BEGAIN: variants seen among roughly 807,000 people sequenced by gnomAD.
BEGAIN encodes brain enriched guanylate kinase associated.
Under a neutral mutation model 35.8 loss-of-function variants are expected in BEGAIN, and 19 were observed. That is an observed-to-expected ratio of 0.53 (90% CI 0.37 to 0.78). The LOEUF (loss-of-function observed/expected upper bound fraction) is 0.78, where lower values mean the gene tolerates loss of function less well. Among genes scored for constraint, BEGAIN ranks in the 30% least tolerant of loss-of-function variants. BEGAIN has a pLI of 0.00. For missense variants in BEGAIN, 795 were observed against 853.6 expected (o/e 0.93, Z 0.85); for synonymous variants, 462 against 388.6 (o/e 1.19, Z -2.22).
intron 2 of BEGAIN, among the ~76,000 whole-genome samples, chr14:100,552,393 G>A (rs1273026757): frequency 6.6e-6 from 1 of 152,196 alleles, no homozygotes; most frequent in Non-Finnish European, 1.5e-5. Context: ...AGCCTGTGGC[G>A]TGGAGGGCAT....
chr14:100,567,355 G>A lies in BEGAIN; in HGVS notation c.71+556C>T, dbSNP rs957066556. Among the ~76,000 whole-genome samples, 7 of 152,188 alleles carry A rather than the reference G, an allele frequency of 4.6e-5. No individual in the cohort carries two copies. The highest frequency in any genetic ancestry group is 2.4e-5 in the African/African-American group (1 of 41,450). ...GGGGACACTCCCCAGAAGCTGTCGC[G>A]GGATTCCCCCAAAATGGCTCCAAGA... On this transcript the variant is annotated intron_variant, in intron 2 of 6. Coordinates refer to ENST00000554140, the MANE Select transcript of BEGAIN (RefSeq NM_001385089.1). The surrounding 1 kb of genome is among the most constrained non-coding windows in gnomAD (Gnocchi z 5.1).
chr14:100,538,070 G>T lies in BEGAIN; in HGVS notation c.1738C>A (p.Arg580Ser). ...GGAAAGGCCTGCTGGGGGCTGAGGC[G>T]GGCGGCAGGATGCATTTCCGGGGAG... ...EASPEMHPAA[R>S]LSPQQAFPRT... Residue 580 changes from arginine to serine, a missense_variant, in exon 7 of 7, where the codon CGC (arginine) becomes AGC (serine). Arg to Ser is a moderately radical substitution (Grantham distance 110). Around this residue, in one of 3 missense-constraint regions of BEGAIN, gnomAD observed 664 missense variants for 647.7 expected, o/e 1.03. Transcript: ENST00000554140. 6.3e-7 allele frequency: 1 copy of T among 1,595,948 alleles called. No homozygotes were observed. The highest frequency in any genetic ancestry group is 1.7e-5 in the Admixed American group (1 of 57,354).
chr14:100,578,856 C>CTTTTT (rs529546763), intron 1 of BEGAIN, among the ~76,000 whole-genome samples: 7 of 127,012 alleles, frequency 5.5e-5, no homozygotes, highest in Admixed American at 8.5e-5. Flanking sequence ...GCCTCTGGTA[C>CTTTTT]TTTTTTTTTT....
intron 1 of BEGAIN, among the ~76,000 whole-genome samples, chr14:100,578,481 T>C (rs1032914530): frequency 1.3e-5 from 2 of 152,252 alleles, no homozygotes; most frequent in Non-Finnish European, 2.9e-5. Context: ...CTCCCATGCA[T>C]CCTTATTACA....
At chr14:100,574,715 C>G (rs2035166637) in intron 1 of BEGAIN, among the ~76,000 whole-genome samples, 1 of 152,160 alleles carries the variant, frequency 6.6e-6, no homozygotes, top group Non-Finnish European at 1.5e-5. Context: ...GTCCCCCATT[C>G]AGGAAGGGGA....
chr14:100,543,292 GTGTTTTTTTTTT>G (rs1038251477), intron 5 of BEGAIN, among the ~76,000 whole-genome samples: 156 of 151,166 alleles, frequency 1.0e-3, no homozygotes, highest in African/African-American at 2.9e-3. Context: ...GTGGCCAGAG[GTGTTTTTTTTTT>G]TGTTTTTTTT....
rs1449123617 is a variant in BEGAIN, at chr14:100,558,550, C to A, written c.71+9361G>T. Among the ~76,000 whole-genome samples the A allele has an allele frequency of 1.3e-5, 2 of 152,196 alleles. No homozygotes were observed. The highest frequency in any genetic ancestry group is 2.4e-5 in the African/African-American group (1 of 41,444). ...CTCTCTGCTGAGGCCCCCACATTGG[C>A]TGCTCCCCAACTCCATTGCCTCACC... On this transcript the variant is annotated intron_variant, in intron 2 of 6. Transcript: ENST00000554140. The surrounding 1 kb of genome is among the most constrained non-coding windows in gnomAD (Gnocchi z 4.6).
At chr14:100,566,558 A>T (rs937850412) in intron 2 of BEGAIN, among the ~76,000 whole-genome samples, 1 of 152,128 alleles carries the variant, frequency 6.6e-6, no homozygotes, top group Admixed American at 6.5e-5. Context: ...ATGACAGCCA[A>T]TGTGGGGCAC....
rs143370512 is a variant in BEGAIN, at chr14:100,586,811, C to G, written c.42+438G>C. Among the ~76,000 whole-genome samples the G allele has an allele frequency of 0.015, 2,293 of 152,272 alleles. 23 individuals are homozygous for G. Among genetic ancestry groups the G allele is most frequent in the Middle Eastern group, 0.027 (8 of 292 alleles). ...TCCTTCCGGCTCCCGGGCCTTTCTC[C>G]GGCCTCCCAAGCAGGGGCTGGCCCT... On this transcript the variant is annotated intron_variant, in intron 1 of 6. Coordinates refer to ENST00000554140, the MANE Select transcript of BEGAIN (RefSeq NM_001385089.1). This position sits in a 1 kb window ranked among gnomAD's most constrained non-coding sequence, Gnocchi z 4.9.
intron 2 of BEGAIN, among the ~76,000 whole-genome samples, chr14:100,562,720 G>A (rs2034370138): frequency 2.0e-5 from 3 of 152,088 alleles, no homozygotes; most frequent in African/African-American, 4.8e-5. Flanking sequence ...GCCTTGACCC[G>A]GTGGCACCCG....
intron 6 of BEGAIN, 26 bp from the exon 7 acceptor site, chr14:100,539,341 G>A (rs767214024): frequency 7.8e-6 from 12 of 1,529,186 alleles, no homozygotes; most frequent in African/African-American, 6.9e-5. Context: ...GGAGGGGGAC[G>A]GCGGGTACAG....
chr14:100,544,882 G>A, intron 4 of BEGAIN, 118 bp downstream of exon 4: 1 of 1,001,158 alleles, frequency 1.0e-6, no homozygotes, highest in Non-Finnish European at 1.6e-6. Context: ...ATGGAGAAAG[G>A]GGTGGGACCA....
intron 2 of BEGAIN, among the ~76,000 whole-genome samples, chr14:100,561,103 C>T (rs939730108): frequency 1.3e-5 from 2 of 152,180 alleles, no homozygotes; most frequent in Non-Finnish European, 2.9e-5. Flanking sequence ...CACGTGGCAT[C>T]GCCTCCTCTG....
chr14:100,553,036 C>T (rs1206645601), intron 2 of BEGAIN, among the ~76,000 whole-genome samples: 1 of 152,162 alleles, frequency 6.6e-6, no homozygotes, highest in Non-Finnish European at 1.5e-5. Flanking sequence ...GGAGACTGGG[C>T]AGGTTTTGTC....
intron 3 of BEGAIN, 59 bp downstream of exon 3, chr14:100,546,442 C>CCCGGCCCTCGCCCCGG (rs2032453136): frequency 1.1e-4 from 8 of 69,956 alleles, no homozygotes; most frequent in Admixed American, 2.2e-4. Context: ...CCTCGCCCCG[C>CCCGGCCCTCGCCCCGG]CCCGGCCCTC....
intron 1 of BEGAIN, among the ~76,000 whole-genome samples, chr14:100,582,109 G>T (rs1291409679): frequency 6.6e-6 from 1 of 152,154 alleles, no homozygotes; most frequent in Admixed American, 6.5e-5. Flanking sequence ...CCTTCCCCTC[G>T]TCCCAGCACA....
At chr14:100,575,377 C>T (rs757933774) in intron 1 of BEGAIN, among the ~76,000 whole-genome samples, 2 of 152,180 alleles carry the variant, frequency 1.3e-5, no homozygotes, top group South Asian at 2.1e-4. Context: ...ACTATCATCC[C>T]GGCGGCTGAA....
chr14:100,583,995 A>G (rs1460059608), intron 1 of BEGAIN, among the ~76,000 whole-genome samples: 3 of 152,218 alleles, frequency 2.0e-5, no homozygotes, highest in East Asian at 3.9e-4. Flanking sequence ...CGCTGCGCCC[A>G]GCCTATCCCT....
intron 5 of BEGAIN, 121 bp downstream of exon 5, chr14:100,543,737 G>A (rs2031977489): frequency 1.3e-6 from 1 of 764,572 alleles, no homozygotes; most frequent in South Asian, 1.7e-5. Context: ...CTTGAGGCTG[G>A]GGCCAAAGCA....
Sources: allele counts gnomAD v4.1 joint callset (sites outside exome capture counted in the v4.1 genomes callset), GRCh38; gene constraint gnomAD v4.1.1; regional missense constraint gnomAD v4.1.1; non-coding constraint Gnocchi (gnomAD v3.1); transcripts MANE v1.5; gene names NCBI Gene and HGNC (gene_info 2026-07-23, HGNC 2026-07-21).